Variants in SAMMSON observed in about 807,000 individuals in gnomAD.
SAMMSON encodes long intergenic non-protein coding RNA 1212.
intron 9 of SAMMSON, among the ~76,000 whole-genome samples, chr3:70,362,061 C>A (rs1453160693): frequency 2.0e-5 from 3 of 151,968 alleles, no homozygotes; most frequent in African/African-American, 7.3e-5. Context: ...GATATGCAAA[C>A]CATCATTTAC....
At chr3:70,332,153 G>C (rs1702625654) in intron 7 of SAMMSON, among the ~76,000 whole-genome samples, 2 of 152,206 alleles carry the variant, frequency 1.3e-5, no homozygotes, top group South Asian at 4.1e-4. Context: ...ATATTAGAAT[G>C]AATTTCTTCT....
chr3:70,070,914 G>A (rs1037525268), intron 3 of SAMMSON, among the ~76,000 whole-genome samples: 2 of 151,992 alleles, frequency 1.3e-5, no homozygotes, highest in African/African-American at 4.8e-5. Context: ...GTTCCTAAAA[G>A]CCCCAGACGT....
chr3:70,023,479 T>A (rs1185204336), intron 3 of SAMMSON, among the ~76,000 whole-genome samples: 1 of 151,854 alleles, frequency 6.6e-6, no homozygotes, highest in African/African-American at 2.4e-5. Flanking sequence ...AAAAAGTTTC[T>A]TTATTTCTTT....
At chr3:70,093,898 C>T (rs1195492070) in intron 4 of SAMMSON, among the ~76,000 whole-genome samples, 1 of 152,128 alleles carries the variant, frequency 6.6e-6, no homozygotes, top group Non-Finnish European at 1.5e-5. Flanking sequence ...TGATTGAAGT[C>T]CTCAGTCAAA....
chr3:70,369,014 T>A (rs1702943422), intron 9 of SAMMSON, among the ~76,000 whole-genome samples: 1 of 151,710 alleles, frequency 6.6e-6, no homozygotes, highest in African/African-American at 2.4e-5. Flanking sequence ...TATGTAGATT[T>A]TCTTTGATTT....
At chr3:70,242,597 C>G (rs964864910) in intron 4 of SAMMSON, among the ~76,000 whole-genome samples, 1 of 152,034 alleles carries the variant, frequency 6.6e-6, no homozygotes, top group Non-Finnish European at 1.5e-5. Context: ...TTCATTGTGC[C>G]CATTATATCT....
intron 4 of SAMMSON, among the ~76,000 whole-genome samples, chr3:70,077,665 A>G (rs1576116009): frequency 2.0e-5 from 3 of 152,188 alleles, no homozygotes; most frequent in Admixed American, 2.0e-4. Flanking sequence ...CTCAATTTCT[A>G]TTGACTCGTA....
chr3:70,253,670 C>T (rs1354259749), intron 6 of SAMMSON, among the ~76,000 whole-genome samples: 3 of 152,040 alleles, frequency 2.0e-5, no homozygotes, highest in African/African-American at 7.3e-5. Flanking sequence ...CTGCAGTGAG[C>T]TATGATAACA....
At chr3:70,325,700 C>T (rs1312299168) in intron 7 of SAMMSON, among the ~76,000 whole-genome samples, 1 of 152,100 alleles carries the variant, frequency 6.6e-6, no homozygotes, top group East Asian at 1.9e-4. Flanking sequence ...TAATACTGCA[C>T]CTGCATAACA....
intron 4 of SAMMSON, among the ~76,000 whole-genome samples, chr3:70,085,578 A>T (rs2067282294): frequency 6.6e-6 from 1 of 151,922 alleles, no homozygotes; most frequent in Non-Finnish European, 1.5e-5. Context: ...ACTTTTGGGG[A>T]CCTCTTCTTG....
chr3:70,202,736 T>A (rs956309097), intron 4 of SAMMSON, among the ~76,000 whole-genome samples: 2 of 152,134 alleles, frequency 1.3e-5, no homozygotes, highest in African/African-American at 4.8e-5. Flanking sequence ...CCAGGGTACC[T>A]TTAGGACATG....
intron 3 of SAMMSON, among the ~76,000 whole-genome samples, chr3:70,040,375 A>C (rs1031485638): frequency 2.6e-4 from 40 of 152,176 alleles, no homozygotes; most frequent in African/African-American, 9.2e-4. Context: ...CGGTGCAGAA[A>C]GGTTAAGACA....
chr3:70,190,321 C>T (rs1016621902), intron 4 of SAMMSON, among the ~76,000 whole-genome samples: 7 of 152,138 alleles, frequency 4.6e-5, no homozygotes, highest in African/African-American at 1.2e-4. Flanking sequence ...TCAGTCTCTA[C>T]TCTCCTGGCT....
At chr3:70,259,003 A>G (rs1177040423) in intron 6 of SAMMSON, among the ~76,000 whole-genome samples, 1 of 152,218 alleles carries the variant, frequency 6.6e-6, no homozygotes. Context: ...TGCAAGATAT[A>G]TAATAAAGGT....
At chr3:70,168,684 C>T (rs537336637) in intron 4 of SAMMSON, among the ~76,000 whole-genome samples, 1 of 152,064 alleles carries the variant, frequency 6.6e-6, no homozygotes, top group South Asian at 2.1e-4. Flanking sequence ...TTTATGGCCC[C>T]ACTTGTCAAC....
intron 4 of SAMMSON, among the ~76,000 whole-genome samples, chr3:70,177,763 A>G (rs1208865615): frequency 6.6e-6 from 1 of 152,176 alleles, no homozygotes; most frequent in Non-Finnish European, 1.5e-5. Context: ...TGCACCACTG[A>G]AAAGGGTAAA....
intron 9 of SAMMSON, among the ~76,000 whole-genome samples, chr3:70,372,146 C>T (rs138374512): frequency 6.6e-4 from 101 of 152,034 alleles, no homozygotes; most frequent in African/African-American, 2.3e-3. Context: ...TTGAGAATCT[C>T]GTTTCCTAGT....
chr3:70,078,435 G>T (rs1341028575), intron 4 of SAMMSON, among the ~76,000 whole-genome samples: 1 of 152,038 alleles, frequency 6.6e-6, no homozygotes, highest in East Asian at 1.9e-4. Flanking sequence ...CAATGTGGTG[G>T]CCCTGATTCC....
intron 4 of SAMMSON, among the ~76,000 whole-genome samples, chr3:70,181,661 G>GACCT (rs1048645302): frequency 1.3e-5 from 2 of 152,176 alleles, no homozygotes; most frequent in Admixed American, 6.5e-5. Context: ...GTGGGAAAAG[G>GACCT]ACCTTCCTTC....
Sources: gnomAD v4.1 joint callset for allele counts (sites outside exome capture counted in the v4.1 genomes callset) on GRCh38, gnomAD v4.1.1 for gene constraint, MANE v1.5 for transcripts, NCBI Gene and HGNC (gene_info 2026-07-23, HGNC 2026-07-21) for gene names.